The following PSMB7 variants were observed in gnomAD, a reference collection of about 807,000 sequenced individuals.
The protein encoded by PSMB7 is proteasome 20S subunit beta 7.
PSMB7 carries 5 observed loss-of-function variants against 28.1 expected under a neutral mutation model. The observed-to-expected ratio is 0.18, with a 90% CI of 0.09 to 0.37. The LOEUF (loss-of-function observed/expected upper bound fraction) is 0.37, where lower values mean the gene tolerates loss of function less well. Ranked by LOEUF, PSMB7 falls within the 10% of genes least tolerant of loss-of-function variation. The probability of loss-of-function intolerance (pLI) is 1.00; values close to 1 mark genes in which losing one functional copy is unlikely to be tolerated. For synonymous variants in PSMB7, 122 were observed against 123.7 expected (o/e 0.99, Z 0.09); for missense variants, 275 against 346.2 (o/e 0.79, Z 1.63).
chr9:124,361,517 A>G (rs770907610), intron 6 of PSMB7, among the ~76,000 whole-genome samples: 4 of 152,264 alleles, frequency 2.6e-5, no homozygotes, highest in African/African-American at 7.2e-5. Flanking sequence ...GCTGAAATAA[A>G]TAACTCAGCA....
At chr9:124,370,904 A>G (rs1295999649) in intron 6 of PSMB7, among the ~76,000 whole-genome samples, 1 of 152,238 alleles carries the variant, frequency 6.6e-6, no homozygotes, top group African/African-American at 2.4e-5. Context: ...CACAGAGCTA[A>G]TAAAAAGAAG....
At chr9:124,403,461 G>A (rs999222275) in intron 5 of PSMB7, among the ~76,000 whole-genome samples, 11 of 152,190 alleles carry the variant, frequency 7.2e-5, no homozygotes, top group African/African-American at 2.7e-4. Context: ...GGGAAGTCGA[G>A]GTGGCAGTGA....
chr9:124,359,111 T>C (rs1469569100), intron 6 of PSMB7, among the ~76,000 whole-genome samples: 1 of 152,256 alleles, frequency 6.6e-6, no homozygotes, highest in Non-Finnish European at 1.5e-5. Flanking sequence ...TAAAATTATA[T>C]AGTTTGATTT....
At chr9:124,372,084 A>T (rs76986484) in intron 6 of PSMB7, among the ~76,000 whole-genome samples, 4,983 of 152,346 alleles carry the variant, frequency 0.033, 284 homozygotes, top group African/African-American at 0.11. Context: ...ACCTGCTCCA[A>T]AGAAATGCAT....
At chr9:124,397,950 T>C (rs2131172009) in intron 5 of PSMB7, among the ~76,000 whole-genome samples, 1 of 152,150 alleles carries the variant, frequency 6.6e-6, no homozygotes, top group Admixed American at 6.5e-5. Context: ...GGTGGATCAC[T>C]TGAGATCAGG....
In PSMB7 at chr9:124,384,643, C is replaced by T. The variant is rs1830701614; in HGVS notation, c.525G>A (p.Leu175=). The change falls in exon 6 of 8, where the codon TTG becomes TTA. Residue 175 remains leucine, a synonymous_variant. Coordinates refer to ENST00000259457, the MANE Select transcript of PSMB7 (RefSeq NM_002799.4). ...TATCTTCAAATACAGCCATTGCTGCCAAGGAGCCAGAACCTGCAAGAAAAA... is the reference window on the plus strand; with the variant it reads ...TATCTTCAAATACAGCCATTGCTGCTAAGGAGCCAGAACCTGCAAGAAAAA... ...LPYVTMGSGS[L]AAMAVFEDKF... is the part of the protein sequence containing the mutation. 6.2e-7 allele frequency: 1 copy of T among 1,613,504 alleles called. No individual in the cohort carries two copies. Among genetic ancestry groups the T allele is most frequent in the African/African-American group, 1.3e-5 (1 of 74,906 alleles).
intron 6 of PSMB7, among the ~76,000 whole-genome samples, chr9:124,371,764 C>T (rs552083740): frequency 6.6e-6 from 1 of 152,206 alleles, no homozygotes; most frequent in Non-Finnish European, 1.5e-5. Flanking sequence ...GCAATATCTT[C>T]CTTTCAATTC....
At chr9:124,397,200 G>A (rs1280263307) in intron 5 of PSMB7, among the ~76,000 whole-genome samples, 1 of 152,178 alleles carries the variant, frequency 6.6e-6, no homozygotes, top group Non-Finnish European at 1.5e-5. Context: ...CAGGGATGAT[G>A]GCACCCACCT....
At chr9:124,358,080 C>T (rs192216697) in intron 6 of PSMB7, among the ~76,000 whole-genome samples, 7 of 152,304 alleles carry the variant, frequency 4.6e-5, no homozygotes, top group Admixed American at 1.3e-4. Context: ...TCCCAGTCCA[C>T]GAGGGCGTGA....
intron 5 of PSMB7, among the ~76,000 whole-genome samples, chr9:124,397,310 C>T (rs1830853024): frequency 6.6e-6 from 1 of 152,152 alleles, no homozygotes; most frequent in African/African-American, 2.4e-5. Flanking sequence ...GTGATGTTCA[C>T]AAAGAAGGTT....
At chr9:124,401,097 T>C (rs1448641629) in intron 5 of PSMB7, among the ~76,000 whole-genome samples, 1 of 152,188 alleles carries the variant, frequency 6.6e-6, no homozygotes, top group East Asian at 1.9e-4. Context: ...ACGTGAAAGT[T>C]TATCATAACA....
chr9:124,359,620 C>T (rs948103835), intron 6 of PSMB7, among the ~76,000 whole-genome samples: 6 of 152,280 alleles, frequency 3.9e-5, no homozygotes, highest in African/African-American at 9.6e-5. Context: ...TTCCTTGGGC[C>T]GGGGGCTCCT....
At chr9:124,375,638 C>A (rs567979778) in intron 6 of PSMB7, among the ~76,000 whole-genome samples, 1 of 152,036 alleles carries the variant, frequency 6.6e-6, no homozygotes, top group African/African-American at 2.4e-5. Context: ...CCTATTAAAG[C>A]GCCATAAGAA....
chr9:124,402,070 G>C (rs1156266678), intron 5 of PSMB7, among the ~76,000 whole-genome samples: 1 of 150,894 alleles, frequency 6.6e-6, no homozygotes, highest in Non-Finnish European at 1.5e-5. Context: ...AGACCTCAAA[G>C]TAACAATTTA....
intron 6 of PSMB7, among the ~76,000 whole-genome samples, chr9:124,364,965 CATG>C (rs1830493511): frequency 6.6e-6 from 1 of 152,216 alleles, no homozygotes; most frequent in Non-Finnish European, 1.5e-5. Flanking sequence ...TGTTATATGA[CATG>C]ATCCTTCTTC....
chr9:124,364,532 A>C (rs1483166267), intron 6 of PSMB7, among the ~76,000 whole-genome samples: 1 of 152,040 alleles, frequency 6.6e-6, no homozygotes, highest in Non-Finnish European at 1.5e-5. Context: ...GAGAAAAAAA[A>C]AAAAAAAAAG....
chr9:124,393,033 C>T (rs1355979441), intron 5 of PSMB7, among the ~76,000 whole-genome samples: 3 of 152,168 alleles, frequency 2.0e-5, no homozygotes, highest in Non-Finnish European at 2.9e-5. Flanking sequence ...TTGGTGCTTT[C>T]CACAGACCCA....
chr9:124,398,363 G>A (rs901723070), intron 5 of PSMB7: 3 of 209,820 alleles, frequency 1.4e-5, no homozygotes, highest in South Asian at 6.7e-5. Context: ...GCACAGCTAC[G>A]ACCACGGAAC....
chr9:124,399,773 G>C (rs1051801381), intron 5 of PSMB7, among the ~76,000 whole-genome samples: 3 of 152,086 alleles, frequency 2.0e-5, no homozygotes, highest in Non-Finnish European at 2.9e-5. Flanking sequence ...TGTAATGACA[G>C]TGGCCATCCC....
Sources: gnomAD v4.1 joint callset for allele counts (sites outside exome capture counted in the v4.1 genomes callset) on GRCh38, gnomAD v4.1.1 for gene constraint, MANE v1.5 for transcripts, NCBI Gene and HGNC (gene_info 2026-07-23, HGNC 2026-07-21) for gene names.